The following FBN2 variants were observed in gnomAD, a reference collection of about 807,000 sequenced individuals.
FBN2 encodes fibrillin 2.
Under a neutral mutation model 355.6 loss-of-function variants are expected in FBN2, and 105 were observed. That is an observed-to-expected ratio of 0.30 (90% CI 0.25 to 0.35). The LOEUF (loss-of-function observed/expected upper bound fraction) is 0.35. Among genes scored for constraint, FBN2 ranks in the 10% least tolerant of loss-of-function variants. FBN2 has a pLI of 1.00. For synonymous variants in FBN2, 1,350 were observed against 1,301.2 expected, an observed-to-expected ratio of 1.04 and a Z score of -0.81; for missense variants, 3,280 against 3,758.7, an observed-to-expected ratio of 0.87 and a Z score of 3.33.
chr5:128,503,593 A>C (rs1448866021), intron 5 of FBN2, among the ~76,000 whole-genome samples: 1 of 152,198 alleles, frequency 6.6e-6, no homozygotes, highest in Non-Finnish European at 1.5e-5. Context: ...AGATACTGGC[A>C]GCATTTTGCC....
At chr5:128,326,387 T>G (rs1750548463) in intron 34 of FBN2, among the ~76,000 whole-genome samples, 1 of 152,182 alleles carries the variant, frequency 6.6e-6, no homozygotes, top group Admixed American at 6.6e-5. Flanking sequence ...GAAAATGGTC[T>G]GTATGTAGGT....
At chr5:128,274,421 T>A in intron 60 of FBN2, 146 bp downstream of exon 60, 2 of 665,306 alleles carry the variant, frequency 3.0e-6, no homozygotes, top group African/African-American at 3.6e-5. Flanking sequence ...ATATCTATCT[T>A]ATTAGCAACT....
At chr5:128,314,564 C>T (rs1750150050) in intron 36 of FBN2, among the ~76,000 whole-genome samples, 1 of 152,148 alleles carries the variant, frequency 6.6e-6, no homozygotes, top group Non-Finnish European at 1.5e-5. Flanking sequence ...GATCCACCCA[C>T]CTCAGCCTCC....
intron 5 of FBN2, among the ~76,000 whole-genome samples, chr5:128,516,505 G>A (rs758085108): frequency 8.6e-5 from 13 of 151,798 alleles, no homozygotes; most frequent in Admixed American, 2.0e-4. Context: ...GCCAGCCATT[G>A]GTTACTACTC....
chr5:128,297,789 C>A (rs1251759656), intron 48 of FBN2, among the ~76,000 whole-genome samples: 1 of 152,128 alleles, frequency 6.6e-6, no homozygotes, highest in Non-Finnish European at 1.5e-5. Context: ...AGTCTTTATC[C>A]AATTTGCCAG....
At chr5:128,529,132 T>A (rs141562665) in intron 3 of FBN2, among the ~76,000 whole-genome samples, 2 of 152,238 alleles carry the variant, frequency 1.3e-5, no homozygotes, top group Admixed American at 1.3e-4. Context: ...ATTTCTTGAG[T>A]GGAGATGTCA....
intron 11 of FBN2, among the ~76,000 whole-genome samples, chr5:128,387,350 T>C (rs1296214953): frequency 2.0e-5 from 3 of 152,168 alleles, no homozygotes; most frequent in Non-Finnish European, 2.9e-5. Context: ...CCGTCTTCTC[T>C]CTTTTATTCT....
At position 128,278,536 on chromosome 5, in the gene FBN2, T is replaced by C. The variant is rs185321677; in HGVS notation, c.7345+99A>G. On this transcript the variant is annotated intron_variant, in intron 57 of 64. Transcript: ENST00000262464. ...ATCAAGGTATAAACATTTTAGCTAC[T>C]CTTTTGATTGTATCAATTTTTCACT... is the stretch of plus-strand genomic sequence containing the variant. 1.5e-4 allele frequency: 159 copies of C among 1,030,766 alleles called. 1 individual carries two copies. The Admixed American group carries it at 2.7e-3, about 18-fold the overall frequency. The allele number at this position is 1,030,766 out of a possible 1,614,324, so 63.9% of individuals were successfully genotyped here.
In FBN2 at chr5:128,456,617, T is replaced by C. The variant is rs1754401920; in HGVS notation, c.826+8107A>G. On this transcript the variant is annotated intron_variant, in intron 6 of 64. Transcript: ENST00000262464. ...CCATCTCTGCGGCTCTCTAGTCTCC[T>C]TGAGTGACATCTCTAGTCATGGGGG... Among the ~76,000 whole-genome samples, 3 of 152,064 alleles carry C rather than the reference T, an allele frequency of 2.0e-5. No homozygotes were observed. In the South Asian group the frequency reaches 6.2e-4, roughly 32 times the overall value.
In FBN2 at chr5:128,349,942, A is replaced by C. The variant is rs1180617699; in HGVS notation, c.2863+13T>G. 3.7e-6 allele frequency: 6 copies of C among 1,602,746 alleles called. No homozygotes were observed. Among genetic ancestry groups the C allele is most frequent in the African/African-American group, 1.3e-5 (1 of 74,804 alleles). On this transcript the variant is annotated intron_variant, in intron 22 of 64. Coordinates refer to ENST00000262464, the MANE Select transcript of FBN2 (RefSeq NM_001999.4). Reference sequence around the variant, plus strand: ...AAAGATGTATAGTATCTTCCAAGGAAGGATACACTCACCTTCACACGTAAC... The same window carrying C: ...AAAGATGTATAGTATCTTCCAAGGACGGATACACTCACCTTCACACGTAAC...
intron 25 of FBN2, among the ~76,000 whole-genome samples, chr5:128,339,442 C>G (rs1216526900): frequency 6.6e-6 from 1 of 151,808 alleles, no homozygotes; most frequent in Non-Finnish European, 1.5e-5. Context: ...TAGGGAGACC[C>G]CATCTCTACA....
At position 128,349,603 on chromosome 5, in the gene FBN2, A is replaced by C. The variant is rs1008612592; in HGVS notation, c.2864-131T>G. 9.4e-6 allele frequency: 11 copies of C among 1,169,792 alleles called. 1 individual carries two copies. The highest frequency in any genetic ancestry group is 1.2e-5 in the Non-Finnish European group (10 of 809,474). 72.5% of individuals were successfully genotyped at this position (1,169,792 alleles called of 1,614,324 possible). On this transcript the variant is annotated intron_variant, in intron 22 of 64. Transcript: ENST00000262464. ...TGGATTATTACTTGAGTTAAACAGA[A>C]ATATTCCACAACCGAGCCACCCGCT... is the stretch of plus-strand genomic sequence containing the variant.
In FBN2 at chr5:128,357,403, C is replaced by A. The variant is rs2126931540; in HGVS notation, c.2555-8G>T. On this transcript the variant is annotated splice_polypyrimidine_tract_variant and splice_region_variant and intron_variant, in intron 19 of 64. Transcript: ENST00000262464. ...TTTCACATTCATTTATATCTACAAT[C>A]CAGAAGGAAAAGATTCTGTTAGAAC... 6.2e-7 allele frequency: 1 copy of A among 1,613,682 alleles called. No homozygotes were observed. The highest frequency in any genetic ancestry group is 8.5e-7 in the Non-Finnish European group (1 of 1,179,682).
intron 5 of FBN2, among the ~76,000 whole-genome samples, chr5:128,515,047 T>C (rs1756242680): frequency 6.6e-6 from 1 of 152,200 alleles, no homozygotes; most frequent in African/African-American, 2.4e-5. Flanking sequence ...GAATACTTTA[T>C]AATACATTCC....
chr5:128,471,481 G>T (rs1359684940), intron 5 of FBN2, among the ~76,000 whole-genome samples: 1 of 152,046 alleles, frequency 6.6e-6, no homozygotes, highest in Non-Finnish European at 1.5e-5. Context: ...CTTCCTTGAG[G>T]TTAAGCATCT....
intron 11 of FBN2, among the ~76,000 whole-genome samples, chr5:128,380,052 C>A (rs575803277): frequency 2.9e-4 from 44 of 152,148 alleles, no homozygotes; most frequent in Middle Eastern, 3.4e-3. Flanking sequence ...AAATAAACTT[C>A]ATAGCAAATA....
chr5:128,404,526 T>C (rs900965057), intron 8 of FBN2, among the ~76,000 whole-genome samples: 1 of 152,242 alleles, frequency 6.6e-6, no homozygotes, highest in African/African-American at 2.4e-5. Flanking sequence ...CGACATCATG[T>C]CCAAAGAGAT....
intron 26 of FBN2, 62 bp downstream of exon 26, chr5:128,338,871 C>T (rs981543320): frequency 1.2e-5 from 19 of 1,556,268 alleles, no homozygotes; most frequent in Admixed American, 1.0e-4. Context: ...AAAGGTCATG[C>T]GCACGAATGA....
At chr5:128,466,020 C>T (rs991568696) in intron 5 of FBN2, among the ~76,000 whole-genome samples, 4 of 152,168 alleles carry the variant, frequency 2.6e-5, no homozygotes, top group Admixed American at 2.0e-4. Context: ...CTGCTCTATC[C>T]TGCTTTCTTC....
Sources: gnomAD v4.1 joint callset for allele counts (sites outside exome capture counted in the v4.1 genomes callset) on GRCh38, gnomAD v4.1.1 for gene constraint, MANE v1.5 for transcripts, NCBI Gene and HGNC (gene_info 2026-07-23, HGNC 2026-07-21) for gene names.